ITPR3: variants seen among roughly 807,000 people sequenced by gnomAD.
ITPR3 encodes inositol 1,4,5-trisphosphate-gated calcium channel ITPR3.
In ITPR3, 173 loss-of-function variants were observed where a neutral mutation model predicts 293.2. The observed-to-expected ratio is 0.59, with a 90% CI of 0.52 to 0.67. ITPR3 has a LOEUF of 0.67. Among genes scored for constraint, ITPR3 ranks in the 30% least tolerant of loss-of-function variants. ITPR3 has a pLI of 0.00. For missense variants in ITPR3, 2,796 were observed against 3,592.1 expected, an observed-to-expected ratio of 0.78 and a Z score of 5.66; for synonymous variants, 1,295 against 1,444.4, an observed-to-expected ratio of 0.90 and a Z score of 2.35.
rs985894965 is a variant in ITPR3 at position 33,633,554 on chromosome 6, G to A, written c.90-6930G>A. Among the ~76,000 whole-genome samples the A allele has an allele frequency of 1.7e-4, 26 of 152,124 alleles. No homozygotes were observed. The highest frequency in any genetic ancestry group is 5.3e-4 in the African/African-American group (22 of 41,568). ...CGCCCTCCGCGGGCAGACGAGCGGG[G>A]GAGAGCAGGAAAGCGCGGGCGCAGC... On this transcript the variant is annotated intron_variant, in intron 1 of 57. Coordinates refer to ENST00000605930, the MANE Select transcript of ITPR3 (RefSeq NM_002224.4). This position sits in a 1 kb window ranked among gnomAD's most constrained non-coding sequence, Gnocchi z 5.2.
intron 1 of ITPR3, among the ~76,000 whole-genome samples, chr6:33,636,471 C>T (rs1416163229): frequency 1.3e-5 from 2 of 151,948 alleles, no homozygotes; most frequent in African/African-American, 4.8e-5. Flanking sequence ...AGGTCCAATT[C>T]TGTACCTGAC....
intron 7 of ITPR3, 85 bp from the exon 8 acceptor site, chr6:33,662,440 TGTC>T: frequency 6.9e-7 from 1 of 1,453,898 alleles, no homozygotes; most frequent in South Asian, 1.3e-5. Flanking sequence ...CAGCCAACCC[TGTC>T]TGAGGCAGGT....
intron 2 of ITPR3, among the ~76,000 whole-genome samples, chr6:33,643,863 G>A (rs1389421232): frequency 1.3e-5 from 2 of 152,150 alleles, no homozygotes; most frequent in Non-Finnish European, 2.9e-5. Context: ...TATTGTTATT[G>A]TGATTAAGAT....
chr6:33,651,280 A>G (rs1764185516), intron 2 of ITPR3, among the ~76,000 whole-genome samples: 1 of 149,442 alleles, frequency 6.7e-6, no homozygotes, highest in Non-Finnish European at 1.5e-5. Context: ...CCGTCTCAAA[A>G]AAAAAAAAAA....
Position 33,638,163 on chromosome 6 carries a change from G to A in ITPR3, c.90-2321G>A, listed in dbSNP as rs113913479. ...TGGGATTACAGGCGCGCACCGCCAC[G>A]CCCAGCTAATTTTTGTATTTTTAGT... On this transcript the variant is annotated intron_variant, in intron 1 of 57. Coordinates refer to ENST00000605930, the MANE Select transcript of ITPR3 (RefSeq NM_002224.4). This position sits in a 1 kb window ranked among gnomAD's most constrained non-coding sequence, Gnocchi z 4.3. Among the ~76,000 whole-genome samples, 71 of 152,044 alleles carry A rather than the reference G, an allele frequency of 4.7e-4. No individual in the cohort carries two copies. Among genetic ancestry groups the A allele is most frequent in the African/African-American group, 1.6e-3 (68 of 41,452 alleles).
chr6:33,681,707 G>A (rs953306281), intron 33 of ITPR3, among the ~76,000 whole-genome samples: 1 of 152,100 alleles, frequency 6.6e-6, no homozygotes, highest in Non-Finnish European at 1.5e-5. Context: ...TTCTAAGTCT[G>A]GGGGGAAAAA....
In ITPR3 at chr6:33,683,975, G is replaced by T; in HGVS notation, c.4789-45G>T. 1 of 1,554,420 alleles carries T rather than the reference G, an allele frequency of 6.4e-7. No individual in the cohort carries two copies. ...GTCGGAGGAATGGCAGTCACACCCGGGTCATTTCTTGGGCCTGGCAATGAC... is the reference window on the plus strand; with the variant it reads ...GTCGGAGGAATGGCAGTCACACCCGTGTCATTTCTTGGGCCTGGCAATGAC... On this transcript the variant is annotated intron_variant, in intron 35 of 57. Transcript: ENST00000605930. This position sits in a 1 kb window ranked among gnomAD's most constrained non-coding sequence, Gnocchi z 4.5.
At position 33,678,449 on chromosome 6, in the gene ITPR3, G is replaced by A. The variant is rs1476796735; in HGVS notation, c.3677G>A (p.Arg1226His). The A allele has an allele frequency of 2.5e-6, 4 of 1,613,716 alleles. No individual in the cohort carries two copies. The highest frequency in any genetic ancestry group is 2.5e-6 in the Non-Finnish European group (3 of 1,179,972). ...GATGCCAAGATGATGGAGATCCTGC[G>A]CTACACGCACCAGTTCCTGCAGAAG... ...KGDAKMMEIL[R>H]YTHQFLQKFC... Residue 1226 changes from arginine to histidine, a missense_variant, in exon 29 of 58, where the codon CGC (arginine) becomes CAC (histidine). Physicochemically the swap from Arg to His is conservative, Grantham distance 29 (BLOSUM62 0). Transcript: ENST00000605930.
chr6:33,687,989 G>A lies in ITPR3; in HGVS notation c.6265-68G>A. The A allele has an allele frequency of 7.9e-7, 1 of 1,269,526 alleles. No individual in the cohort carries two copies. The highest frequency in any genetic ancestry group is 1.9e-5 in the Admixed American group (1 of 53,066). 78.6% of individuals were successfully genotyped at this position (1,269,526 alleles called of 1,614,324 possible). On this transcript the variant is annotated intron_variant, in intron 46 of 57. Transcript: ENST00000605930. The surrounding 1 kb of genome is among the most constrained non-coding windows in gnomAD (Gnocchi z 5.3). ...TCAGAGCTAGGCGAAGGCCTGGGAGGGTGGGGGCTGAGTGCCAGCCTGGAT... is the reference window on the plus strand; with the variant it reads ...TCAGAGCTAGGCGAAGGCCTGGGAGAGTGGGGGCTGAGTGCCAGCCTGGAT...
intron 55 of ITPR3, among the ~76,000 whole-genome samples, chr6:33,693,156 G>A (rs962056273): frequency 5.9e-5 from 9 of 152,180 alleles, no homozygotes; most frequent in Non-Finnish European, 1.2e-4. Flanking sequence ...GGAGCTTCTG[G>A]TCTCAGTCCA....
At chr6:33,669,638 T>A (rs891789600) in intron 18 of ITPR3, among the ~76,000 whole-genome samples, 6 of 152,238 alleles carry the variant, frequency 3.9e-5, no homozygotes, top group African/African-American at 1.4e-4. Context: ...TTAGACGCCC[T>A]TCTTACAATG....
intron 2 of ITPR3, among the ~76,000 whole-genome samples, chr6:33,653,394 C>T (rs771803780): frequency 6.6e-6 from 1 of 151,546 alleles, no homozygotes; most frequent in African/African-American, 2.4e-5. Flanking sequence ...GAATTACAGG[C>T]GTGAGCCACT....
chr6:33,650,348 G>A (rs1764158458), intron 2 of ITPR3, among the ~76,000 whole-genome samples: 2 of 152,264 alleles, frequency 1.3e-5, no homozygotes, highest in African/African-American at 2.4e-5. Context: ...GTGTGGGCAA[G>A]GCTCTGAGGG....
rs1765285302 is a variant in ITPR3, at chr6:33,688,062, C to A, written c.6270C>A (p.Ser2090Arg). 2 of 1,613,442 alleles carry A rather than the reference C, an allele frequency of 1.2e-6. No homozygotes were observed. Among genetic ancestry groups the A allele is most frequent in the South Asian group, 1.1e-5 (1 of 91,022 alleles). Reference sequence around the variant, plus strand: ...CGCGCCCTCCCCACCTCCAGCTCAGCCTCAACAACAAGCAGCTGTCACAGA... The same window carrying A: ...CGCGCCCTCCCCACCTCCAGCTCAGACTCAACAACAAGCAGCTGTCACAGA... The part of the protein sequence containing the change: ...EEAEGISSML[S>R]LNNKQLSQML... The change falls in exon 47 of 58, where the codon AGC becomes AGA. Residue 2090 changes from serine (S) to arginine (R), a missense_variant. Ser to Arg is a moderately radical substitution (Grantham distance 110). This residue lies in a region of ITPR3 where 568 missense variants were observed against 796.1 expected (regional missense o/e 0.71). Transcript: ENST00000605930.
At position 33,655,253 on chromosome 6, in the gene ITPR3, T is replaced by A. The variant is rs574061159; in HGVS notation, c.161-513T>A. Among the ~76,000 whole-genome samples, 43 of 152,278 alleles carry A rather than the reference T, an allele frequency of 2.8e-4. No homozygotes were observed. Among genetic ancestry groups the A allele is most frequent in the African/African-American group, 9.9e-4 (41 of 41,562 alleles). ...CCTGACCCCTCGGGGAGCTCAGGAT[T>A]GTGAGCTGTTCCTCGGACTGTCCCC... On this transcript the variant is annotated intron_variant, in intron 2 of 57. Coordinates refer to ENST00000605930, the MANE Select transcript of ITPR3 (RefSeq NM_002224.4). The surrounding 1 kb of genome is among the most constrained non-coding windows in gnomAD (Gnocchi z 4.9).
chr6:33,693,089 C>A (rs1405501194), intron 55 of ITPR3, among the ~76,000 whole-genome samples, 196 bp downstream of exon 55: 2 of 152,182 alleles, frequency 1.3e-5, no homozygotes, highest in Non-Finnish European at 2.9e-5. Context: ...GTGGGACAGG[C>A]CCATCCCTGT....
At chr6:33,668,225 A>T (rs116040811) in intron 16 of ITPR3, among the ~76,000 whole-genome samples, 212 of 152,366 alleles carry the variant, frequency 1.4e-3, no homozygotes, top group African/African-American at 4.8e-3. Context: ...TGACAAAGTC[A>T]GAACCTGTAT....
chr6:33,648,157 C>T (rs1764111401), intron 2 of ITPR3, among the ~76,000 whole-genome samples: 1 of 151,622 alleles, frequency 6.6e-6, no homozygotes, highest in South Asian at 2.1e-4. Context: ...CCTTGACCTC[C>T]CAGGCTCAAG....
At chr6:33,627,530 T>C (rs1294215486) in intron 1 of ITPR3, among the ~76,000 whole-genome samples, 3 of 152,384 alleles carry the variant, frequency 2.0e-5, no homozygotes, top group East Asian at 1.9e-4. Context: ...TCAGGCTCTT[T>C]GTAAATTTTT....
Sources: gnomAD v4.1 joint callset for allele counts (sites outside exome capture counted in the v4.1 genomes callset) on GRCh38, gnomAD v4.1.1 for gene constraint, gnomAD v4.1.1 regional missense constraint, Gnocchi (gnomAD v3.1) non-coding constraint, MANE v1.5 for transcripts, NCBI Gene and HGNC (gene_info 2026-07-23, HGNC 2026-07-21) for gene names.